Variants in ABHD17B observed in about 807,000 individuals in gnomAD.
The protein encoded by ABHD17B is alpha/beta hydrolase domain-containing protein 17B.
A neutral mutation model predicts 26.2 loss-of-function variants in ABHD17B; 9 were observed. The ratio of observed to expected loss-of-function variants is 0.34; its 90% CI spans 0.21 to 0.60. The LOEUF is 0.60. Ranked by LOEUF, ABHD17B falls within the 20% of genes least tolerant of loss-of-function variation. The pLI is 0.80. For missense variants in ABHD17B, 224 were observed against 352.1 expected, an observed-to-expected ratio of 0.64 and a Z score of 2.91; for synonymous variants, 127 against 122.3, an observed-to-expected ratio of 1.04 and a Z score of -0.25.
chr9:71,889,781 A>G (rs1433093243), intron 1 of ABHD17B, among the ~76,000 whole-genome samples: 3 of 120,172 alleles, frequency 2.5e-5, no homozygotes, highest in Non-Finnish European at 3.8e-5. Context: ...AATGACCAAA[A>G]CAAACAAACA....
chr9:71,867,139 G>T, intron 3 of ABHD17B, 133 bp from the exon 4 acceptor site: 1 of 1,113,082 alleles, frequency 9.0e-7, no homozygotes, highest in South Asian at 1.6e-5. Flanking sequence ...AATGTCTCCT[G>T]AATTTCCAGT....
In ABHD17B at chr9:71,879,102, G is replaced by A. The variant is rs13440251; in HGVS notation, c.-3-4019C>T. Among the ~76,000 whole-genome samples the A allele has an allele frequency of 6.1e-3, 936 of 152,308 alleles. 14 individuals carry two copies. The highest frequency in any genetic ancestry group is 0.022 in the African/African-American group (911 of 41,558). The stretch of plus-strand genomic sequence containing the variant: ...GCATGGGAGGTCAAGGCTACAGCGA[G>A]CTGTGATAGAGCCACTACACTCCAG... On this transcript the variant is annotated intron_variant, in intron 1 of 3. Transcript: ENST00000333421.
At chr9:71,893,830 C>G (rs2132185113) in intron 1 of ABHD17B, among the ~76,000 whole-genome samples, 2 of 152,306 alleles carry the variant, frequency 1.3e-5, no homozygotes, top group Middle Eastern at 6.8e-3. Flanking sequence ...TGGCTCACGC[C>G]TGTAATCCCA....
chr9:71,865,140 A>C (rs1269936905), downstream of ABHD17B: 1 of 985,150 alleles, frequency 1.0e-6, no homozygotes, highest in Non-Finnish European at 1.2e-6. Context: ...GAAAAAGGCA[A>C]ATAAGCACAG....
At chr9:71,889,696 T>C (rs1826722951) in intron 1 of ABHD17B, among the ~76,000 whole-genome samples, 1 of 152,132 alleles carries the variant, frequency 6.6e-6, no homozygotes, top group South Asian at 2.1e-4. Context: ...CAAAAATAAC[T>C]AAATGCCCCT....
chr9:71,874,563 T>A (rs1187444663), intron 2 of ABHD17B, 51 bp downstream of exon 2: 3 of 1,445,554 alleles, frequency 2.1e-6, no homozygotes, highest in Non-Finnish European at 2.8e-6. Context: ...ACACAAGATA[T>A]TTTTAGCTAA....
At chr9:71,886,022 T>C (rs2132167789) in intron 1 of ABHD17B, among the ~76,000 whole-genome samples, 1 of 152,346 alleles carries the variant, frequency 6.6e-6, no homozygotes, top group South Asian at 2.1e-4. Flanking sequence ...CAGTACACTG[T>C]ATGTGATAAA....
chr9:71,872,534 TGC>T (rs1826142958), intron 2 of ABHD17B, among the ~76,000 whole-genome samples: 1 of 152,184 alleles, frequency 6.6e-6, no homozygotes, highest in Non-Finnish European at 1.5e-5. Context: ...GTGACCCTTT[TGC>T]GTTACTGGGA....
At position 71,866,875 on chromosome 9, in the gene ABHD17B, T is replaced by G; in HGVS notation, c.779A>C (p.Glu260Ala). Residue 260 changes from glutamate to alanine, a missense_variant, in exon 4 of 4, where the codon GAA becomes GCA. Glu to Ala is a moderately radical substitution (Grantham distance 107). Transcript: ENST00000333421. ...CQRPVEPLWV[E>A]GAGHNDVELY... The stretch of plus-strand genomic sequence containing the variant: ...TTCCACATCATTGTGACCTGCTCCT[T>G]CAACCCAGAGAGGCTCCACAGGTCT... The G allele has an allele frequency of 6.2e-7, 1 of 1,614,192 alleles. No individual in the cohort carries two copies. The highest frequency in any genetic ancestry group is 8.5e-7 in the Non-Finnish European group (1 of 1,180,026).
At chr9:71,884,073 A>C (rs1826534003) in intron 1 of ABHD17B, among the ~76,000 whole-genome samples, 1 of 152,200 alleles carries the variant, frequency 6.6e-6, no homozygotes, top group Admixed American at 6.5e-5. Context: ...AATGGGCAAA[A>C]GATAGGAATA....
intron 1 of ABHD17B, among the ~76,000 whole-genome samples, chr9:71,897,380 G>A (rs889532922): frequency 6.6e-6 from 1 of 152,162 alleles, no homozygotes; most frequent in African/African-American, 2.4e-5. Context: ...AGCTGGGTGT[G>A]GTGGCACACG....
At chr9:71,868,922 C>T (rs1244629824) in intron 3 of ABHD17B, among the ~76,000 whole-genome samples, 1 of 152,116 alleles carries the variant, frequency 6.6e-6, no homozygotes, top group African/African-American at 2.4e-5. Flanking sequence ...CTCTTGGCCT[C>T]AAGTGATCCA....
Position 71,870,108 on chromosome 9 carries a change from T to A in ABHD17B, c.622A>T (p.Thr208Ser), listed in dbSNP as rs1250594093. 1.9e-6 allele frequency: 3 copies of A among 1,612,694 alleles called. No individual in the cohort carries two copies. Among genetic ancestry groups the A allele is most frequent in the Non-Finnish European group, 2.5e-6 (3 of 1,179,602 alleles). ...MRVAFPDTKK[T>S]YCFDAFPNID... The stretch of plus-strand genomic sequence containing the variant: ...TTTGGGAATGCATCAAAACAGTAGG[T>A]CTTCTTGGTATCAGGAAAGGCAACT... Residue 208 changes from threonine (T) to serine (S), a missense_variant, in exon 3 of 4, where the codon ACC (threonine) becomes TCC (serine). Coordinates refer to ENST00000333421, the MANE Select transcript of ABHD17B (RefSeq NM_001025780.3).
intron 1 of ABHD17B, among the ~76,000 whole-genome samples, chr9:71,878,707 G>C (rs1564064634): frequency 6.6e-6 from 1 of 152,132 alleles, no homozygotes; most frequent in African/African-American, 2.4e-5. Context: ...ACTTTGGGAG[G>C]CCAAGATGGG....
intron 2 of ABHD17B, 36 bp downstream of exon 2, chr9:71,874,578 C>G (rs1490536292): frequency 6.7e-7 from 1 of 1,498,562 alleles, no homozygotes; most frequent in Non-Finnish European, 9.0e-7. Flanking sequence ...AGCTAACCAC[C>G]ACGAGTATGA....
intron 3 of ABHD17B, among the ~76,000 whole-genome samples, chr9:71,868,090 A>T (rs961380982): frequency 2.0e-5 from 3 of 151,344 alleles, no homozygotes; most frequent in Non-Finnish European, 4.4e-5. Context: ...ATGATGGCGC[A>T]TGCCTGTAAT....
At chr9:71,910,219 C>A (rs1564077461) in intron 1 of ABHD17B, among the ~76,000 whole-genome samples, 2 of 152,128 alleles carry the variant, frequency 1.3e-5, no homozygotes, top group African/African-American at 4.8e-5. Context: ...TCTCAGTGCG[C>A]CAGTGAGGGG....
chr9:71,870,553 CA>C (rs1212298530), intron 2 of ABHD17B, among the ~76,000 whole-genome samples: 1 of 152,120 alleles, frequency 6.6e-6, no homozygotes, highest in African/African-American at 2.4e-5. Context: ...TATAATATTT[CA>C]ACCTAGCTTA....
intron 1 of ABHD17B, among the ~76,000 whole-genome samples, chr9:71,881,810 C>T (rs538843293): frequency 2.0e-5 from 3 of 151,280 alleles, no homozygotes; most frequent in South Asian, 4.2e-4. Flanking sequence ...CACTTGAACA[C>T]GGGAGGTGGA....
Sources: gnomAD v4.1 joint callset for allele counts (sites outside exome capture counted in the v4.1 genomes callset) on GRCh38, gnomAD v4.1.1 for gene constraint, MANE v1.5 for transcripts, NCBI Gene and HGNC (gene_info 2026-07-23, HGNC 2026-07-21) for gene names.